The following PHF14 variants were observed in gnomAD, a reference collection of about 807,000 sequenced individuals.
PHF14 encodes the protein PHD finger protein 14.
In PHF14, 55 loss-of-function variants were observed where a neutral mutation model predicts 117.9. The ratio of observed to expected loss-of-function variants is 0.47; its 90% confidence interval spans 0.38 to 0.58. The LOEUF is 0.58. PHF14 is among the 20% of genes least tolerant of loss of function. The pLI is 0.00. For synonymous variants in PHF14, 409 were observed against 368.6 expected (o/e 1.11, Z -1.26); for missense variants, 978 against 1,122.2 (o/e 0.87, Z 1.84).
At position 11,042,641 on chromosome 7, in the gene PHF14, A is replaced by G. The variant is rs775916525; in HGVS notation, c.2181-42A>G. 4 of 1,407,016 alleles carry G rather than the reference A, an allele frequency of 2.8e-6. No individual in the cohort carries two copies. The South Asian group carries it at 4.0e-5, about 14-fold the overall frequency. The allele number at this position is 1,407,016 out of a possible 1,614,324, so 87.2% of individuals were successfully genotyped here. A position where few individuals can be genotyped will look rare whatever the true frequency, so the allele number is the denominator to read the frequency against. Reference sequence around the variant, plus strand: ...GCTATAAGTAAACTGTTTCACTATGATAATTATTATTGAAATCTTTACTTG... The same window carrying G: ...GCTATAAGTAAACTGTTTCACTATGGTAATTATTATTGAAATCTTTACTTG... On this transcript the variant is annotated intron_variant, in intron 12 of 17. Transcript: ENST00000634607.
intron 4 of PHF14, among the ~76,000 whole-genome samples, chr7:11,005,408 C>A (rs947560854): frequency 6.6e-6 from 1 of 152,106 alleles, no homozygotes; most frequent in Non-Finnish European, 1.5e-5. Context: ...GTTTCTGTTA[C>A]TTATTACATT....
intron 16 of PHF14, among the ~76,000 whole-genome samples, chr7:11,070,934 ATTTG>A (rs1471090922): frequency 2.0e-5 from 3 of 152,182 alleles, no homozygotes; most frequent in Non-Finnish European, 4.4e-5. Context: ...ATAGTTCCTG[ATTTG>A]TTTTATTTTT....
intron 16 of PHF14, among the ~76,000 whole-genome samples, chr7:11,088,197 T>C (rs1489835310): frequency 6.6e-6 from 1 of 152,196 alleles, no homozygotes; most frequent in Non-Finnish European, 1.5e-5. Context: ...AGATACTTAT[T>C]ATAATACCTA....
chr7:11,144,040 A>T (rs1040161951), intron 17 of PHF14, among the ~76,000 whole-genome samples: 2 of 152,072 alleles, frequency 1.3e-5, no homozygotes, highest in Admixed American at 1.3e-4. Context: ...AAAAACCCCA[A>T]ATAGTCCGAT....
chr7:11,038,195 C>T lies in PHF14; in HGVS notation c.1981-565C>T, dbSNP rs574775618. ...TTGGGAGGCCAAGGCAGGTGGATCA[C>T]GAGGTCAAGAGATCGAGACCATCCT... On this transcript the variant is annotated intron_variant, in intron 10 of 17. Coordinates refer to ENST00000634607, the MANE Select transcript of PHF14 (RefSeq NM_001007157.2). Among the ~76,000 whole-genome samples, 5 of 152,112 alleles carry T rather than the reference C, an allele frequency of 3.3e-5. No individual in the cohort carries two copies. The South Asian group carries it at 8.3e-4, about 25-fold the overall frequency.
chr7:11,145,656 T>C (rs1321042002), intron 17 of PHF14, among the ~76,000 whole-genome samples: 1 of 152,096 alleles, frequency 6.6e-6, no homozygotes, highest in Non-Finnish European at 1.5e-5. Flanking sequence ...TTCATCGAAC[T>C]ATTTAAAGAA....
At chr7:11,040,122 CTT>C (rs1022992882) in intron 11 of PHF14, among the ~76,000 whole-genome samples, 6 of 151,290 alleles carry the variant, frequency 4.0e-5, no homozygotes, top group African/African-American at 4.9e-5. Context: ...TTGCATGACA[CTT>C]TTTTTTTCAG....
At chr7:11,017,932 T>C (rs1783588743) in intron 5 of PHF14, among the ~76,000 whole-genome samples, 1 of 152,184 alleles carries the variant, frequency 6.6e-6, no homozygotes, top group Non-Finnish European at 1.5e-5. Flanking sequence ...TTTGATTTGA[T>C]TTTTGTATAT....
intron 16 of PHF14, chr7:11,102,922 A>C: frequency 9.4e-7 from 1 of 1,058,376 alleles, no homozygotes; most frequent in Non-Finnish European, 1.1e-6. Flanking sequence ...AGAGTTACTG[A>C]AGCCTGTGGG....
intron 16 of PHF14, chr7:11,109,291 A>T (rs1787366017): frequency 6.6e-6 from 1 of 151,806 alleles, no homozygotes; most frequent in Non-Finnish European, 1.5e-5. Flanking sequence ...AATTGAATAC[A>T]AGAATTCAAA....
chr7:11,043,118 A>C (rs1784552284), intron 13 of PHF14, among the ~76,000 whole-genome samples: 3 of 151,954 alleles, frequency 2.0e-5, no homozygotes, highest in Admixed American at 6.6e-5. Context: ...TGTTATTTTG[A>C]AATTGAATTT....
chr7:11,121,157 T>C (rs762172832), intron 17 of PHF14, among the ~76,000 whole-genome samples: 1 of 152,148 alleles, frequency 6.6e-6, no homozygotes, highest in Non-Finnish European at 1.5e-5. Context: ...AACAGGTAAA[T>C]ATCAGCAACA....
chr7:11,074,072 A>C (rs930807558), intron 16 of PHF14, among the ~76,000 whole-genome samples: 5 of 152,180 alleles, frequency 3.3e-5, no homozygotes, highest in African/African-American at 9.7e-5. Context: ...AAGATCTCCA[A>C]AATGCGTTCA....
chr7:11,055,404 T>G (rs1211759116), intron 14 of PHF14, among the ~76,000 whole-genome samples: 1 of 152,162 alleles, frequency 6.6e-6, no homozygotes, highest in Non-Finnish European at 1.5e-5. Flanking sequence ...GACCTCTCTT[T>G]CCATTGTTTT....
chr7:11,143,125 G>A (rs58621951), intron 17 of PHF14, among the ~76,000 whole-genome samples: 2,153 of 152,060 alleles, frequency 0.014, 46 homozygotes, highest in African/African-American at 0.049. Flanking sequence ...TTGATAATTG[G>A]CTTTTTCAAC....
At chr7:11,065,838 TAGG>T (rs1284817114) in intron 16 of PHF14, among the ~76,000 whole-genome samples, 3 of 152,098 alleles carry the variant, frequency 2.0e-5, no homozygotes, top group Non-Finnish European at 4.4e-5. Context: ...TAATCAGAGA[TAGG>T]AGAGAGAGAA....
intron 16 of PHF14, among the ~76,000 whole-genome samples, chr7:11,078,106 G>T (rs572198859): frequency 3.7e-4 from 57 of 152,064 alleles, no homozygotes; most frequent in Non-Finnish European, 6.5e-4. Flanking sequence ...GTTTTCTGAC[G>T]AAAGAGAAGA....
intron 13 of PHF14, among the ~76,000 whole-genome samples, chr7:11,050,100 CAA>C (rs918929367): frequency 2.0e-5 from 3 of 152,060 alleles, no homozygotes; most frequent in African/African-American, 4.8e-5. Flanking sequence ...ATTAACAAAA[CAA>C]ATGGTACTTG....
chr7:11,153,511 G>A (rs138293321), intron 17 of PHF14, among the ~76,000 whole-genome samples: 185 of 152,112 alleles, frequency 1.2e-3, no homozygotes, highest in African/African-American at 4.3e-3. Flanking sequence ...TGAGTTTAAA[G>A]CATGGTATAG....
Sources: gnomAD v4.1 joint callset for allele counts (sites outside exome capture counted in the v4.1 genomes callset) on GRCh38, gnomAD v4.1.1 for gene constraint, MANE v1.5 for transcripts, NCBI Gene and HGNC (gene_info 2026-07-23, HGNC 2026-07-21) for gene names.